The following ATRNL1 variants were observed in gnomAD, a reference collection of about 807,000 sequenced individuals.
The protein encoded by ATRNL1 is attractin like 1.
ATRNL1 carries 95 observed loss-of-function variants against 182.7 expected under a neutral mutation model. The observed-to-expected ratio is 0.52, with a 90% CI of 0.44 to 0.62. ATRNL1 has a LOEUF of 0.62. Ranked by LOEUF, ATRNL1 falls within the 20% of genes least tolerant of loss-of-function variation. The probability of loss-of-function intolerance (pLI) is 0.00; values close to 1 mark genes in which losing one functional copy is unlikely to be tolerated. For missense variants in ATRNL1, 1,471 were observed against 1,679.5 expected (o/e 0.88, Z 2.17); for synonymous variants, 576 against 568.3 (o/e 1.01, Z -0.19).
At chr10:115,918,291 C>T (rs546683702) in intron 28 of ATRNL1, among the ~76,000 whole-genome samples, 2 of 151,908 alleles carry the variant, frequency 1.3e-5, no homozygotes, top group Non-Finnish European at 2.9e-5. Context: ...GTAGTAGAGA[C>T]GGGGTTTCAC....
chr10:115,265,203 A>G lies in ATRNL1; in HGVS notation c.1698A>G (p.Glu566=), dbSNP rs782311621. The change falls in exon 11 of 29, where the codon GAA becomes GAG. Residue 566 remains glutamate (E), a synonymous_variant. Coordinates refer to ENST00000355044, the MANE Select transcript of ATRNL1 (RefSeq NM_207303.4). ...DFLAYDIACD[E]WKILPKPNLH... Reference sequence around the variant, plus strand: ...TTTTCTTTTTTCTAGCTTGTGATGAATGGAAAATACTACCAAAACCAAATC... The same window carrying G: ...TTTTCTTTTTTCTAGCTTGTGATGAGTGGAAAATACTACCAAAACCAAATC... The G allele has an allele frequency of 2.5e-6, 4 of 1,603,500 alleles. No individual in the cohort carries two copies. The highest frequency in any genetic ancestry group is 2.7e-5 in the African/African-American group (2 of 74,534).
chr10:115,683,368 A>G (rs1946111311), intron 26 of ATRNL1, among the ~76,000 whole-genome samples: 1 of 152,058 alleles, frequency 6.6e-6, no homozygotes, highest in Non-Finnish European at 1.5e-5. Flanking sequence ...TATTGAATTT[A>G]TTGCCACTTA....
intron 19 of ATRNL1, among the ~76,000 whole-genome samples, chr10:115,345,500 T>C (rs1429763000): frequency 6.6e-6 from 1 of 152,196 alleles, no homozygotes; most frequent in Admixed American, 6.5e-5. Context: ...ATGTTGGCAA[T>C]TGGAGAATTT....
In ATRNL1 at chr10:115,558,460, G is replaced by A. The variant is rs113882824; in HGVS notation, c.3795+8924G>A. Among the ~76,000 whole-genome samples the A allele has an allele frequency of 5.7e-3, 865 of 152,308 alleles. 6 individuals are homozygous for A. Among genetic ancestry groups the A allele is most frequent in the Non-Finnish European group, 9.0e-3 (615 of 68,026 alleles). ...CAGATAAAGGGATGGTCCCTGCTCGGCCTGTGGCCTATCCAAGGCACTCTC... is the reference window on the plus strand; with the variant it reads ...CAGATAAAGGGATGGTCCCTGCTCGACCTGTGGCCTATCCAAGGCACTCTC... On this transcript the variant is annotated intron_variant, in intron 26 of 28. Coordinates refer to ENST00000355044, the MANE Select transcript of ATRNL1 (RefSeq NM_207303.4).
At chr10:115,197,706 T>C (rs571715976) in intron 8 of ATRNL1, among the ~76,000 whole-genome samples, 1 of 152,172 alleles carries the variant, frequency 6.6e-6, no homozygotes, top group East Asian at 1.9e-4. Context: ...GTAGGAAAAA[T>C]TGGCCCTCTC....
intron 21 of ATRNL1, among the ~76,000 whole-genome samples, chr10:115,449,447 A>G (rs1413986547): frequency 6.6e-6 from 1 of 152,122 alleles, no homozygotes; most frequent in African/African-American, 2.4e-5. Context: ...CCACCCTCCA[A>G]TTTGTTCATG....
intron 21 of ATRNL1, among the ~76,000 whole-genome samples, chr10:115,461,687 A>G (rs1300870293): frequency 2.0e-5 from 3 of 152,060 alleles, no homozygotes; most frequent in Non-Finnish European, 2.9e-5. Flanking sequence ...CAGAATGTCT[A>G]TAATGTTTTA....
chr10:115,149,920 A>C (rs782459872), intron 5 of ATRNL1, among the ~76,000 whole-genome samples: 3 of 129,352 alleles, frequency 2.3e-5, no homozygotes, highest in African/African-American at 6.0e-5. Flanking sequence ...AATTGGCATT[A>C]ATTCTTCTTT....
At chr10:115,572,916 C>T (rs1454937647) in intron 26 of ATRNL1, among the ~76,000 whole-genome samples, 3 of 152,068 alleles carry the variant, frequency 2.0e-5, no homozygotes, top group African/African-American at 7.2e-5. Flanking sequence ...TGCAGACGGG[C>T]AGATGCAGAG....
chr10:115,283,883 A>G (rs1467383261), intron 14 of ATRNL1, among the ~76,000 whole-genome samples: 5 of 152,202 alleles, frequency 3.3e-5, no homozygotes, highest in African/African-American at 1.2e-4. Flanking sequence ...CCACTTGACC[A>G]GGCTATTATT....
At chr10:115,689,715 A>G (rs1555047470) in intron 26 of ATRNL1, among the ~76,000 whole-genome samples, 2 of 152,158 alleles carry the variant, frequency 1.3e-5, no homozygotes, top group African/African-American at 4.8e-5. Context: ...ACTGGTGTTG[A>G]TAGTGGCTGT....
At chr10:115,836,958 A>G (rs1428482283) in intron 27 of ATRNL1, among the ~76,000 whole-genome samples, 1 of 152,176 alleles carries the variant, frequency 6.6e-6, no homozygotes, top group Non-Finnish European at 1.5e-5. Context: ...TGAAGGCTTA[A>G]TCAATTAGAT....
At chr10:115,158,748 A>AAT (rs1846641300) in intron 5 of ATRNL1, among the ~76,000 whole-genome samples, 2 of 151,968 alleles carry the variant, frequency 1.3e-5, no homozygotes, top group African/African-American at 2.4e-5. Flanking sequence ...ATTAAATGAC[A>AAT]ATCTAAAACT....
intron 18 of ATRNL1, among the ~76,000 whole-genome samples, chr10:115,316,348 C>T (rs565332591): frequency 6.6e-6 from 1 of 152,228 alleles, no homozygotes; most frequent in Admixed American, 6.5e-5. Context: ...TTTCTATATC[C>T]AGTCTATCAT....
At position 115,202,627 on chromosome 10, in the gene ATRNL1, G is replaced by A. The variant is rs1227542179; in HGVS notation, c.1349-13070G>A. Among the ~76,000 whole-genome samples the A allele has an allele frequency of 6.3e-3, 937 of 147,786 alleles. 9 individuals carry two copies. The highest frequency in any genetic ancestry group is 0.021 in the African/African-American group (834 of 40,258). ...AGCTTTTTGATGTGCTGCTGGATTC[G>A]GTTTGCCAGTATTTTATTGAGGATT... On this transcript the variant is annotated intron_variant, in intron 8 of 28. Transcript: ENST00000355044.
intron 15 of ATRNL1, among the ~76,000 whole-genome samples, chr10:115,291,172 T>G (rs991469829): frequency 1.3e-4 from 20 of 152,222 alleles, no homozygotes; most frequent in African/African-American, 4.6e-4. Context: ...CAGGACTCTC[T>G]TACCCTCACT....
chr10:115,688,090 T>A (rs2133965670), intron 26 of ATRNL1, among the ~76,000 whole-genome samples: 1 of 152,250 alleles, frequency 6.6e-6, no homozygotes, highest in African/African-American at 2.4e-5. Context: ...GCCTGGCTTG[T>A]TTCACTTAAC....
chr10:115,219,304 C>G (rs1162793368), intron 9 of ATRNL1, among the ~76,000 whole-genome samples: 1 of 151,260 alleles, frequency 6.6e-6, no homozygotes, highest in East Asian at 1.9e-4. Flanking sequence ...GCTGTGTGAA[C>G]AGATGTGAGT....
intron 27 of ATRNL1, among the ~76,000 whole-genome samples, chr10:115,789,607 G>A (rs980648953): frequency 2.6e-5 from 4 of 152,122 alleles, no homozygotes; most frequent in African/African-American, 7.2e-5. Flanking sequence ...GAGAAAATAC[G>A]CCAGAAGAAT....
Sources: gnomAD v4.1 joint callset for allele counts (sites outside exome capture counted in the v4.1 genomes callset) on GRCh38, gnomAD v4.1.1 for gene constraint, MANE v1.5 for transcripts, NCBI Gene and HGNC (gene_info 2026-07-23, HGNC 2026-07-21) for gene names.